RMDN1: variants seen among roughly 807,000 people sequenced by gnomAD.
The protein encoded by RMDN1 is regulator of microtubule dynamics protein 1.
Under a neutral mutation model 48.9 loss-of-function variants are expected in RMDN1, and 48 were observed. That is an observed-to-expected ratio of 0.98 (90% CI 0.78 to 1.25). The LOEUF (loss-of-function observed/expected upper bound fraction) is 1.25. RMDN1 is among the 50% of genes most tolerant of loss of function. The pLI is 0.00. For missense variants in RMDN1, 418 were observed against 373.4 expected (o/e 1.12, Z -0.98); for synonymous variants, 148 against 132.6 (o/e 1.12, Z -0.80).
rs1303795553 is a variant in RMDN1 at position 86,474,199 on chromosome 8, TCA to T, written c.*107_*108del. On this transcript the variant is annotated 3_prime_UTR_variant, in exon 10 of 10. Coordinates refer to ENST00000406452, the MANE Select transcript of RMDN1 (RefSeq NM_016033.3). ...ATTTTATATTTACACGGTTAAATGG[TCA>T]CAACATTTAAAAAGCCGTAGAACAG... 6 of 1,516,470 alleles carry T rather than the reference TCA, an allele frequency of 4.0e-6. No homozygotes were observed. The African/African-American group carries it at 8.4e-5, about 21-fold the overall frequency. 93.9% of individuals were successfully genotyped at this position (1,516,470 alleles called of 1,614,324 possible).
Position 86,472,761 on chromosome 8 carries a change from C to G in RMDN1, c.*1547G>C, listed in dbSNP as rs1812754009. On this transcript the variant is annotated 3_prime_UTR_variant, in exon 10 of 10. Coordinates refer to ENST00000406452, the MANE Select transcript of RMDN1 (RefSeq NM_016033.3). ...TAAGAAAATAACTGCTTATTGGTAG[C>G]ATATACATTCAGTCAGGAATGATGG... The G allele has an allele frequency of 6.0e-6, 2 of 331,548 alleles. No homozygotes were observed. The highest frequency in any genetic ancestry group is 1.1e-5 in the Non-Finnish European group (2 of 184,362). The allele number at this position is 331,548 out of a possible 1,614,324, so 20.5% of individuals were successfully genotyped here.
At chr8:86,495,821 T>C (rs1052822526) in intron 2 of RMDN1, among the ~76,000 whole-genome samples, 2 of 152,108 alleles carry the variant, frequency 1.3e-5, no homozygotes, top group Non-Finnish European at 2.9e-5. Flanking sequence ...CAAGATAGTA[T>C]ATAAAACAAC....
intron 2 of RMDN1, chr8:86,504,684 G>A: frequency 1.1e-6 from 1 of 876,006 alleles, no homozygotes; most frequent in Non-Finnish European, 2.0e-6. Context: ...CTTTATCGGG[G>A]CTATCTTGGT....
In RMDN1 at chr8:86,472,416, C is replaced by G. The variant is rs891771076; in HGVS notation, c.*1892G>C. 1.2e-4 allele frequency: 82 copies of G among 702,362 alleles called. No homozygotes were observed. Among genetic ancestry groups the G allele is most frequent in the Non-Finnish European group, 1.9e-4 (75 of 384,964 alleles). The allele number at this position is 702,362 out of a possible 1,614,324, so 43.5% of individuals were successfully genotyped here. ...AAACCCATTTTAAAAAGCCATCCAG[C>G]AGAATGCCACATCCCTAGAAAGACC... On this transcript the variant is annotated 3_prime_UTR_variant, in exon 10 of 10. Transcript: ENST00000406452.
intron 4 of RMDN1, 67 bp from the exon 5 acceptor site, chr8:86,485,028 G>T: frequency 1.2e-6 from 1 of 866,554 alleles, no homozygotes; most frequent in Non-Finnish European, 1.8e-6. Flanking sequence ...AGGTAAAACT[G>T]TATAATATTC....
intron 2 of RMDN1, among the ~76,000 whole-genome samples, chr8:86,490,232 C>T (rs910601562): frequency 1.8e-4 from 28 of 152,262 alleles, no homozygotes; most frequent in African/African-American, 6.7e-4. Context: ...CCCAAAGATG[C>T]CCCAATCTTA....
intron 2 of RMDN1, among the ~76,000 whole-genome samples, chr8:86,498,650 A>G (rs958806645): frequency 7.3e-6 from 1 of 136,160 alleles, no homozygotes; most frequent in African/African-American, 2.5e-5. Context: ...GCGTAGTGGT[A>G]TACAACTGTA....
intron 1 of RMDN1, among the ~76,000 whole-genome samples, chr8:86,513,793 A>T (rs1165972683): frequency 8.5e-5 from 13 of 152,218 alleles, no homozygotes; most frequent in Admixed American, 8.5e-4. Flanking sequence ...ATAAGCATAT[A>T]AGCATGGTTA....
rs1819520495 is a variant in RMDN1 at position 86,507,226 on chromosome 8, T to C, written c.130-114A>G. ...CCCCCAAAGCAATCGATCATAATAC[T>C]GGAAGCTTAAAAATTACTTCATCAA... On this transcript the variant is annotated intron_variant, in intron 1 of 9. Transcript: ENST00000406452. The C allele has an allele frequency of 6.4e-6, 4 of 627,636 alleles. No homozygotes were observed. In the East Asian group the frequency reaches 7.6e-5, roughly 12 times the overall value. 38.9% of individuals were successfully genotyped at this position (627,636 alleles called of 1,614,324 possible). A position where few individuals can be genotyped will look rare whatever the true frequency, so the allele number is the denominator to read the frequency against.
intron 2 of RMDN1, among the ~76,000 whole-genome samples, chr8:86,492,307 A>G (rs534676636): frequency 4.4e-4 from 67 of 152,282 alleles, no homozygotes; most frequent in African/African-American, 1.6e-3. Context: ...ATGCACAAAG[A>G]GTACTATGAA....
chr8:86,470,908 A>G (rs189619376), downstream of RMDN1, among the ~76,000 whole-genome samples: 61 of 152,280 alleles, frequency 4.0e-4, no homozygotes, highest in African/African-American at 1.5e-3. Context: ...GTAAAGGGAC[A>G]GCACTGGGGA....
At position 86,473,437 on chromosome 8, in the gene RMDN1, T is replaced by G; in HGVS notation, c.*871A>C. On this transcript the variant is annotated 3_prime_UTR_variant, in exon 10 of 10. Transcript: ENST00000406452. The stretch of plus-strand genomic sequence containing the variant: ...TTAGGGAATAGAACTTTGCATCTGA[T>G]GACAAATTCAGTTTACCATGAGACT... 2 of 985,462 alleles carry G rather than the reference T, an allele frequency of 2.0e-6. No individual in the cohort carries two copies. The highest frequency in any genetic ancestry group is 2.4e-6 in the Non-Finnish European group (2 of 829,934). The allele number at this position is 985,462 out of a possible 1,614,324, so 61.0% of individuals were successfully genotyped here.
At chr8:86,501,209 GA>G (rs1054663380) in intron 2 of RMDN1, among the ~76,000 whole-genome samples, 17 of 151,400 alleles carry the variant, frequency 1.1e-4, no homozygotes, top group African/African-American at 4.1e-4. Context: ...ATAAAAGTTG[GA>G]AAAAAAATAA....
chr8:86,481,460 A>C (rs1814413228), intron 5 of RMDN1, among the ~76,000 whole-genome samples: 1 of 152,118 alleles, frequency 6.6e-6, no homozygotes, highest in African/African-American at 2.4e-5. Context: ...CTATTTCCTA[A>C]GAATGATACA....
At chr8:86,496,398 A>G (rs1817349366) in intron 2 of RMDN1, among the ~76,000 whole-genome samples, 1 of 152,262 alleles carries the variant, frequency 6.6e-6, no homozygotes, top group African/African-American at 2.4e-5. Flanking sequence ...TGTCTTCAGG[A>G]GACTCATCTC....
chr8:86,498,310 A>T (rs1361230178), intron 2 of RMDN1, among the ~76,000 whole-genome samples: 1 of 151,958 alleles, frequency 6.6e-6, no homozygotes, highest in Non-Finnish European at 1.5e-5. Flanking sequence ...ATGGAGTCAT[A>T]GCCAAATTCA....
chr8:86,484,976 A>C lies in RMDN1; in HGVS notation c.496-15T>G, dbSNP rs748988779. On this transcript the variant is annotated splice_polypyrimidine_tract_variant and intron_variant, in intron 4 of 9. Coordinates refer to ENST00000406452, the MANE Select transcript of RMDN1 (RefSeq NM_016033.3). ...ATTGCATACCACTGAAAATTTAAAAAAGTGTAAGAACAATAATATTCTTAA... is the reference window on the plus strand; with the variant it reads ...ATTGCATACCACTGAAAATTTAAAACAGTGTAAGAACAATAATATTCTTAA... 1.4e-6 allele frequency: 2 copies of C among 1,422,378 alleles called. No individual in the cohort carries two copies. Among genetic ancestry groups the C allele is most frequent in the South Asian group, 1.2e-5 (1 of 82,690 alleles). The allele number at this position is 1,422,378 out of a possible 1,614,324, so 88.1% of individuals were successfully genotyped here.
At chr8:86,507,351 AGCTACAACTTATTT>A (rs1165523435) in intron 1 of RMDN1, among the ~76,000 whole-genome samples, 9 of 152,360 alleles carry the variant, frequency 5.9e-5, no homozygotes, top group East Asian at 1.9e-4. Flanking sequence ...GGAAAGGAAG[AGCTACAACTTATTT>A]GCTACAACTT....
chr8:86,495,159 T>C (rs1817130810), intron 2 of RMDN1, among the ~76,000 whole-genome samples: 1 of 150,122 alleles, frequency 6.7e-6, no homozygotes, highest in Admixed American at 6.6e-5. Context: ...ACATTGAGAG[T>C]GGATATGGGG....
Sources: gnomAD v4.1 joint callset for allele counts (sites outside exome capture counted in the v4.1 genomes callset) on GRCh38, gnomAD v4.1.1 for gene constraint, MANE v1.5 for transcripts, NCBI Gene and HGNC (gene_info 2026-07-23, HGNC 2026-07-21) for gene names.